LRBA: variants seen among roughly 807,000 people sequenced by gnomAD.
The protein encoded by LRBA is lipopolysaccharide-responsive and beige-like anchor protein.
In LRBA, 176 loss-of-function variants were observed where a neutral mutation model predicts 330.0. The ratio of observed to expected loss-of-function variants is 0.53; its 90% confidence interval spans 0.47 to 0.60. LRBA has a LOEUF of 0.60. Among genes scored for constraint, LRBA ranks in the 20% least tolerant of loss-of-function variants. The pLI is 0.00. For synonymous variants in LRBA, 1,230 were observed against 1,193.0 expected, an observed-to-expected ratio of 1.03 and a Z score of -0.64; for missense variants, 3,259 against 3,444.8, an observed-to-expected ratio of 0.95 and a Z score of 1.35.
intron 2 of LRBA, among the ~76,000 whole-genome samples, chr4:151,010,773 A>C (rs940277475): frequency 6.6e-6 from 1 of 151,810 alleles, no homozygotes; most frequent in African/African-American, 2.4e-5. Context: ...AGATCCAGCT[A>C]CTGGGGAGGC....
At chr4:150,463,756 G>A (rs1755077755) in intron 44 of LRBA, among the ~76,000 whole-genome samples, 1 of 151,810 alleles carries the variant, frequency 6.6e-6, no homozygotes, top group African/African-American at 2.4e-5. Context: ...TGTTTAGCTG[G>A]CCACTAATCT....
chr4:150,535,925 T>C (rs1431905577), intron 40 of LRBA, among the ~76,000 whole-genome samples: 1 of 152,188 alleles, frequency 6.6e-6, no homozygotes, highest in Non-Finnish European at 1.5e-5. Flanking sequence ...TCTCCTCATA[T>C]GTTCCAATAT....
chr4:150,459,577 T>G (rs1459502578), intron 44 of LRBA, among the ~76,000 whole-genome samples: 1 of 151,894 alleles, frequency 6.6e-6, no homozygotes, highest in Non-Finnish European at 1.5e-5. Flanking sequence ...ACAGGGTTAT[T>G]GAAGGAATTA....
chr4:150,845,349 C>T (rs1270378587), intron 26 of LRBA, among the ~76,000 whole-genome samples: 1 of 152,058 alleles, frequency 6.6e-6, no homozygotes, highest in Non-Finnish European at 1.5e-5. Flanking sequence ...CATTTACTAG[C>T]TTTCATTAAA....
chr4:150,959,989 G>C (rs1208779518), intron 2 of LRBA, among the ~76,000 whole-genome samples: 1 of 147,096 alleles, frequency 6.8e-6, no homozygotes, highest in Admixed American at 6.7e-5. Context: ...CTGTGTTCAA[G>C]GAATCCTCCT....
chr4:150,935,178 GA>G (rs11294903), intron 2 of LRBA, among the ~76,000 whole-genome samples: 119,349 of 138,642 alleles, frequency 0.86, 51,332 homozygotes, highest in Non-Finnish European at 0.91. Flanking sequence ...TCCGTCTCAC[GA>G]AAAAAAAAAA....
intron 34 of LRBA, among the ~76,000 whole-genome samples, chr4:150,768,932 T>C (rs1736158292): frequency 5.2e-5 from 2 of 38,538 alleles, no homozygotes; most frequent in Non-Finnish European, 1.3e-4. Context: ...GTCTCCTTTT[T>C]TTTTTTTTTT....
intron 44 of LRBA, among the ~76,000 whole-genome samples, chr4:150,445,344 C>CCTCTCTCTCTCTCTCTCT (rs1317931739): frequency 1.2e-4 from 7 of 59,230 alleles, no homozygotes; most frequent in Admixed American, 2.1e-4. Flanking sequence ...TTTCGGAAAA[C>CCTCTCTCTCTCTCTCTCT]CTCTCTCTCT....
chr4:150,806,307 C>T lies in LRBA; in HGVS notation c.5482G>A (p.Gly1828Ser). The change falls in exon 33 of 57, where the codon GGT becomes AGT. Residue 1828 changes from glycine to serine, a missense_variant. Gly to Ser is a moderately conservative substitution (Grantham distance 56). Coordinates refer to ENST00000651943, the MANE Select transcript of LRBA (RefSeq NM_001364905.1). ...FAPFLSRTLLGSHGQELLIEG... is the reference protein window; with the variant it reads ...FAPFLSRTLLSSHGQELLIEG... ...ATAAGCAGTTCTTGTCCATGGCTAC[C>T]CAAAAGTGTCCGAGAAAGAAAAGGT... 2 of 1,607,752 alleles carry T rather than the reference C, an allele frequency of 1.2e-6. No homozygotes were observed. The highest frequency in any genetic ancestry group is 1.7e-6 in the Non-Finnish European group (2 of 1,177,226).
chr4:150,941,622 C>T (rs1735689629), intron 2 of LRBA, among the ~76,000 whole-genome samples: 1 of 152,034 alleles, frequency 6.6e-6, no homozygotes, highest in Non-Finnish European at 1.5e-5. Flanking sequence ...TACAATGGCT[C>T]ATGTCTGTAA....
At chr4:150,521,009 C>T (rs1762866933) in intron 40 of LRBA, among the ~76,000 whole-genome samples, 1 of 151,826 alleles carries the variant, frequency 6.6e-6, no homozygotes, top group Non-Finnish European at 1.5e-5. Context: ...TTCTGTCTTC[C>T]CAGTAATTTG....
chr4:150,487,913 A>C (rs981683863), intron 41 of LRBA, 79 bp from the exon 42 acceptor site: 14 of 650,600 alleles, frequency 2.2e-5, no homozygotes, highest in Middle Eastern at 2.7e-4. Context: ...CCAATAAAAT[A>C]TTTACTTTTA....
chr4:150,601,064 A>G (rs537702023), intron 37 of LRBA, among the ~76,000 whole-genome samples: 30 of 152,330 alleles, frequency 2.0e-4, no homozygotes, highest in African/African-American at 6.5e-4. Flanking sequence ...GATCTCCTAC[A>G]AAGCCTATTT....
At chr4:150,470,679 A>ATTTCCC (rs1755992082) in intron 43 of LRBA, among the ~76,000 whole-genome samples, 1 of 152,106 alleles carries the variant, frequency 6.6e-6, no homozygotes, top group South Asian at 2.1e-4. Flanking sequence ...TTTTCCCACT[A>ATTTCCC]ACGCAGGCCA....
At chr4:150,769,032 G>A (rs1736181302) in intron 34 of LRBA, among the ~76,000 whole-genome samples, 1 of 144,874 alleles carries the variant, frequency 6.9e-6, no homozygotes, top group African/African-American at 2.5e-5. Context: ...CCGCCTCTGG[G>A]TTCAAGCAAC....
chr4:150,407,473 AAAAAC>A (rs1353208397), intron 47 of LRBA, among the ~76,000 whole-genome samples: 11 of 152,192 alleles, frequency 7.2e-5, no homozygotes, highest in African/African-American at 2.4e-4. Context: ...CAAAAACAAA[AAAAAC>A]AACTAGACAG....
At chr4:150,663,713 T>G (rs1781330085) in intron 37 of LRBA, among the ~76,000 whole-genome samples, 1 of 152,206 alleles carries the variant, frequency 6.6e-6, no homozygotes, top group African/African-American at 2.4e-5. Context: ...TACGGGCTTC[T>G]ACTCTACAAG....
rs765785267 is a variant in LRBA, at chr4:151,014,427, C to A, written c.216G>T (p.Leu72=). Residue 72 remains leucine (L), a splice_region_variant and synonymous_variant, in exon 2 of 57, where the codon CTG becomes CTT. Coordinates refer to ENST00000651943, the MANE Select transcript of LRBA (RefSeq NM_001364905.1). ...NRDIVETVFN[L]LVGGQFDLEM... is the part of the protein sequence containing the mutation. ...GCTTATAAAATATTCATGGACTTAC[C>A]AGGTTAAAGACAGTTTCTACAATAT... The A allele has an allele frequency of 6.2e-7, 1 of 1,611,480 alleles. No individual in the cohort carries two copies. Among genetic ancestry groups the A allele is most frequent in the Non-Finnish European group, 8.5e-7 (1 of 1,177,688 alleles).
intron 48 of LRBA, among the ~76,000 whole-genome samples, chr4:150,342,220 G>T (rs1735678927): frequency 6.6e-6 from 1 of 151,912 alleles, no homozygotes; most frequent in South Asian, 2.1e-4. Context: ...TGAAAGAAAA[G>T]ACATGAATGA....
Sources: gnomAD v4.1 joint callset for allele counts (sites outside exome capture counted in the v4.1 genomes callset) on GRCh38, gnomAD v4.1.1 for gene constraint, MANE v1.5 for transcripts, NCBI Gene and HGNC (gene_info 2026-07-23, HGNC 2026-07-21) for gene names.